HECTD4: variants seen among roughly 807,000 people sequenced by gnomAD.
The protein encoded by HECTD4 is probable E3 ubiquitin-protein ligase HECTD4.
In HECTD4, 114 loss-of-function variants were observed where a neutral mutation model predicts 471.5. The ratio of observed to expected loss-of-function variants is 0.24; its 90% CI spans 0.21 to 0.28. The LOEUF is 0.28. Ranked by LOEUF, HECTD4 falls within the 10% of genes least tolerant of loss-of-function variation. HECTD4 has a pLI of 1.00. For missense variants in HECTD4, 3,866 were observed against 5,651.5 expected (o/e 0.68, Z 10.13); for synonymous variants, 2,012 against 2,256.0 (o/e 0.89, Z 3.07).
At position 112,239,107 on chromosome 12, in the gene HECTD4, G is replaced by A. The variant is rs1298061411; in HGVS notation, c.5235C>T (p.Ala1745=). ...TGGCAAGCACCTGGAAGGCAGCCCAGGCCATGGTGGCCACCTTCTGCTTCT... is the reference window on the plus strand; with the variant it reads ...TGGCAAGCACCTGGAAGGCAGCCCAAGCCATGGTGGCCACCTTCTGCTTCT... ...QTKKQKVATM[A]WAAFQVLANR... The change falls in exon 34 of 76, where the codon GCC becomes GCT. Residue 1745 remains alanine, a synonymous_variant. Coordinates refer to ENST00000682272, the MANE Select transcript of HECTD4 (RefSeq NM_001388303.1). This position sits in a 1 kb window ranked among gnomAD's most constrained non-coding sequence, Gnocchi z 4.9. 2 of 1,613,888 alleles carry A rather than the reference G, an allele frequency of 1.2e-6. No individual in the cohort carries two copies. Among genetic ancestry groups the A allele is most frequent in the Non-Finnish European group, 1.7e-6 (2 of 1,179,810 alleles).
At chr12:112,315,070 T>C (rs768716205) in intron 2 of HECTD4, among the ~76,000 whole-genome samples, 12 of 152,226 alleles carry the variant, frequency 7.9e-5, no homozygotes, top group South Asian at 6.2e-4. Flanking sequence ...TGACTGCACA[T>C]AGTTGTAATA....
Position 112,381,688 on chromosome 12 carries a change from T to C in HECTD4, c.177+264A>G, listed in dbSNP as rs998189395. On this transcript the variant is annotated intron_variant, in intron 1 of 75. Coordinates refer to ENST00000682272, the MANE Select transcript of HECTD4 (RefSeq NM_001388303.1). This position sits in a 1 kb window ranked among gnomAD's most constrained non-coding sequence, Gnocchi z 4.1. ...CGAGCCAGGCGCTAGCCTAATAAAA[T>C]GCCGGGTGTCGGAACGCTCAAAAGA... Among the ~76,000 whole-genome samples, 59 of 151,804 alleles carry C rather than the reference T, an allele frequency of 3.9e-4. No individual in the cohort carries two copies. Among genetic ancestry groups the C allele is most frequent in the Middle Eastern group, 3.2e-3 (1 of 314 alleles).
intron 17 of HECTD4, among the ~76,000 whole-genome samples, chr12:112,263,090 A>G (rs2034186227): frequency 6.6e-6 from 1 of 152,226 alleles, no homozygotes; most frequent in African/African-American, 2.4e-5. Context: ...TAATACAGCA[A>G]CTTTACAAAG....
intron 35 of HECTD4, among the ~76,000 whole-genome samples, chr12:112,236,721 T>C (rs1456796402): frequency 6.6e-6 from 1 of 152,234 alleles, no homozygotes; most frequent in Non-Finnish European, 1.5e-5. Flanking sequence ...CAAATGATGA[T>C]ATATTATTTT....
rs1223617870 is a variant in HECTD4 at position 112,204,481 on chromosome 12, A to C, written c.8269+5T>G. 1 of 1,611,126 alleles carries C rather than the reference A, an allele frequency of 6.2e-7. No individual in the cohort carries two copies. The highest frequency in any genetic ancestry group is 1.1e-5 in the South Asian group (1 of 90,380). On this transcript the variant is annotated splice_donor_5th_base_variant and intron_variant, in intron 53 of 75. Coordinates refer to ENST00000682272, the MANE Select transcript of HECTD4 (RefSeq NM_001388303.1). ...TCATAGGTCGAGTAAGGAGGAAAGC[A>C]AAACCTTTTCGAACTTTATCAATTG...
intron 17 of HECTD4, among the ~76,000 whole-genome samples, chr12:112,263,750 CAT>C (rs1451067683): frequency 4.6e-4 from 69 of 150,268 alleles, no homozygotes; most frequent in East Asian, 3.2e-3. Flanking sequence ...CACACACACA[CAT>C]ACACATATAT....
At chr12:112,358,211 T>A (rs1437854797) in intron 1 of HECTD4, among the ~76,000 whole-genome samples, 2 of 151,972 alleles carry the variant, frequency 1.3e-5, no homozygotes, top group Non-Finnish European at 2.9e-5. Flanking sequence ...TCAAAAAAAA[T>A]AAAAAATAAT....
Position 112,162,176 on chromosome 12 carries a change from A to G in HECTD4, c.*211T>C. ...TAAACTATCCTACAAATAGACCACA[A>G]ACAGGCAGCAAAAGAACCAACCCAT... On this transcript the variant is annotated 3_prime_UTR_variant, in exon 76 of 76. Transcript: ENST00000682272. The surrounding 1 kb of genome is among the most constrained non-coding windows in gnomAD (Gnocchi z 5.2). 1.8e-6 allele frequency: 1 copy of G among 563,188 alleles called. No individual in the cohort carries two copies. The highest frequency in any genetic ancestry group is 3.2e-6 in the Non-Finnish European group (1 of 317,394). 34.9% of individuals were successfully genotyped at this position (563,188 alleles called of 1,614,324 possible). A position where few individuals can be genotyped will look rare whatever the true frequency, so the allele number is the denominator to read the frequency against.
chr12:112,171,231 C>T lies in HECTD4; in HGVS notation c.11818G>A (p.Ala3940Thr), dbSNP rs375718509. The change falls in exon 68 of 76, where the codon GCC (alanine) becomes ACC (threonine). Residue 3940 changes from alanine to threonine, a missense_variant. Around this residue, in one of 16 missense-constraint regions of HECTD4, gnomAD observed 715 missense variants for 1,087.6 expected, o/e 0.66. Coordinates refer to ENST00000682272, the MANE Select transcript of HECTD4 (RefSeq NM_001388303.1). ...GTGGTGTTGAGGGACTGCAGCAAGG[C>T]GAAGCGCAGGCGCAGGCTCTCGATG... is the stretch of plus-strand genomic sequence containing the variant. ...VPIESLRLRF[A>T]LLQSLNTTLE... is the part of the protein sequence containing the mutation. The T allele has an allele frequency of 1.4e-5, 23 of 1,611,020 alleles. No homozygotes were observed. Among genetic ancestry groups the T allele is most frequent in the African/African-American group, 6.7e-5 (5 of 74,858 alleles).
chr12:112,230,028 C>A, intron 40 of HECTD4, 148 bp from the exon 41 acceptor site: 1 of 653,822 alleles, frequency 1.5e-6, no homozygotes, highest in Non-Finnish European at 2.5e-6. Flanking sequence ...CAGGTATGGC[C>A]AATGACATCT....
chr12:112,185,564 C>T, intron 60 of HECTD4, 71 bp from the exon 61 acceptor site: 1 of 1,187,804 alleles, frequency 8.4e-7, no homozygotes, highest in Non-Finnish European at 1.2e-6. Context: ...AGTTCTGAGC[C>T]TGGAATCAAC....
intron 43 of HECTD4, 98 bp from the exon 44 acceptor site, chr12:112,226,856 T>A (rs1593951879): frequency 1.2e-6 from 1 of 831,576 alleles, no homozygotes; most frequent in East Asian, 2.7e-5. Context: ...TGCCCCCCAG[T>A]TTACAACAAG....
At position 112,305,692 on chromosome 12, in the gene HECTD4, T is replaced by C. The variant is rs7960941; in HGVS notation, c.1335+372A>G. On this transcript the variant is annotated intron_variant, in intron 7 of 75. Coordinates refer to ENST00000682272, the MANE Select transcript of HECTD4 (RefSeq NM_001388303.1). ...ATTTGGCTAATATCTAAAAGGTAAG[T>C]GACATGTCACAATGTTGTTATCTCT... 6.1e-3 allele frequency among the ~76,000 whole-genome samples: 927 copies of C among 152,266 alleles called. 11 individuals carry two copies. Among genetic ancestry groups the C allele is most frequent in the African/African-American group, 0.021 (862 of 41,542 alleles).
chr12:112,270,238 C>T lies in HECTD4; in HGVS notation c.2164G>A (p.Val722Ile), dbSNP rs144116378. The change falls in exon 12 of 76, where the codon GTT becomes ATT. Residue 722 changes from valine to isoleucine, a missense_variant. Transcript: ENST00000682272. The stretch of plus-strand genomic sequence containing the variant: ...AACAGTGTATTTACCTGAAAGACAA[C>T]GAGAATGCAGCGTATAATACAGGTA... The part of the protein sequence containing the change: ...GDTCIIRCIL[V>I]VFQVVFKFFF... 1.1e-4 allele frequency: 182 copies of T among 1,612,310 alleles called. No homozygotes were observed. Among genetic ancestry groups the T allele is most frequent in the South Asian group, 6.0e-4 (55 of 91,026 alleles).
intron 38 of HECTD4, 22 bp downstream of exon 38, chr12:112,232,982 C>T (rs373102059): frequency 3.2e-6 from 5 of 1,586,922 alleles, no homozygotes; most frequent in African/African-American, 1.3e-5. Flanking sequence ...CGGGTTTCAT[C>T]GTTTTAACCT....
intron 17 of HECTD4, among the ~76,000 whole-genome samples, chr12:112,263,588 A>G (rs2034195925): frequency 6.6e-6 from 1 of 152,188 alleles, no homozygotes. Context: ...CTATAGGTTT[A>G]GAAATTAGAT....
intron 2 of HECTD4, among the ~76,000 whole-genome samples, chr12:112,315,304 G>A (rs2035456446): frequency 6.6e-6 from 1 of 152,186 alleles, no homozygotes; most frequent in Non-Finnish European, 1.5e-5. Context: ...TAGTCTCTTA[G>A]CCAAGGCTTT....
chr12:112,189,388 T>C (rs2031995664), intron 60 of HECTD4, among the ~76,000 whole-genome samples: 1 of 151,326 alleles, frequency 6.6e-6, no homozygotes, highest in African/African-American at 2.4e-5. Flanking sequence ...CTGTCTCTAC[T>C]AAAAATACAA....
intron 1 of HECTD4, among the ~76,000 whole-genome samples, chr12:112,369,953 A>G (rs996081270): frequency 6.6e-6 from 1 of 152,196 alleles, no homozygotes; most frequent in East Asian, 1.9e-4. Context: ...ATGTCCACCT[A>G]CTAATCCTTG....
Sources: gnomAD v4.1 joint callset for allele counts (sites outside exome capture counted in the v4.1 genomes callset) on GRCh38, gnomAD v4.1.1 for gene constraint, gnomAD v4.1.1 regional missense constraint, Gnocchi (gnomAD v3.1) non-coding constraint, MANE v1.5 for transcripts, NCBI Gene and HGNC (gene_info 2026-07-23, HGNC 2026-07-21) for gene names.